The following MYO3B variants were observed in gnomAD, a reference collection of about 807,000 sequenced individuals.
MYO3B encodes the protein myosin-IIIb.
In MYO3B, 156 loss-of-function variants were observed where a neutral mutation model predicts 174.6. That is an observed-to-expected ratio of 0.89 (90% CI 0.78 to 1.02). The LOEUF is 1.02. Among genes scored for constraint, MYO3B ranks in the 50% least tolerant of loss-of-function variants. MYO3B has a pLI of 0.00. For missense variants in MYO3B, 1,632 were observed against 1,639.4 expected (o/e 1.00, Z 0.08); for synonymous variants, 563 against 569.1 (o/e 0.99, Z 0.15).
chr2:170,215,952 A>G (rs2105369316), intron 5 of MYO3B, among the ~76,000 whole-genome samples: 1 of 152,346 alleles, frequency 6.6e-6, no homozygotes, highest in Non-Finnish European at 1.5e-5. Flanking sequence ...TAATCTTTCC[A>G]TTAGAAGGTT....
chr2:170,392,544 ATG>A (rs1349746445), intron 16 of MYO3B, 49 bp downstream of exon 16: 1 of 1,197,836 alleles, frequency 8.3e-7, no homozygotes. Flanking sequence ...TCTTATATGA[ATG>A]TGAGTAAAGA....
At chr2:170,427,359 T>C (rs1362058903) in intron 22 of MYO3B, among the ~76,000 whole-genome samples, 1 of 152,224 alleles carries the variant, frequency 6.6e-6, no homozygotes, top group Non-Finnish European at 1.5e-5. Context: ...GTTTGGATAA[T>C]ACAGCATTAC....
intron 5 of MYO3B, among the ~76,000 whole-genome samples, chr2:170,215,946 C>T (rs2092823568): frequency 6.6e-6 from 1 of 152,184 alleles, no homozygotes; most frequent in Admixed American, 6.5e-5. Context: ...TGTTCCTAAT[C>T]TTTCCATTAG....
At chr2:170,276,634 G>T (rs947912124) in intron 7 of MYO3B, among the ~76,000 whole-genome samples, 6 of 152,134 alleles carry the variant, frequency 3.9e-5, no homozygotes, top group Non-Finnish European at 8.8e-5. Context: ...CTAAAGTGAT[G>T]ACCATCAAAA....
chr2:170,645,386 C>T (rs372232111), intron 32 of MYO3B, among the ~76,000 whole-genome samples: 6 of 150,162 alleles, frequency 4.0e-5, no homozygotes, highest in Non-Finnish European at 4.4e-5. Context: ...GGAGGAGAAT[C>T]GCTTGAACCC....
chr2:170,335,659 CCTT>C (rs1431913901), intron 8 of MYO3B, among the ~76,000 whole-genome samples: 2 of 152,182 alleles, frequency 1.3e-5, no homozygotes, highest in Non-Finnish European at 2.9e-5. Context: ...TATAATAAGT[CCTT>C]CTTATCATAT....
chr2:170,303,341 G>GA (rs1276582350), intron 7 of MYO3B, among the ~76,000 whole-genome samples: 1 of 152,130 alleles, frequency 6.6e-6, no homozygotes, highest in African/African-American at 2.4e-5. Context: ...GTATGAAAGT[G>GA]AATCTCTGCC....
intron 22 of MYO3B, among the ~76,000 whole-genome samples, chr2:170,416,413 A>G (rs1264780397): frequency 6.6e-6 from 1 of 150,850 alleles, no homozygotes; most frequent in Non-Finnish European, 1.5e-5. Context: ...AATCCCAGCT[A>G]CTTGGGAGGC....
chr2:170,419,333 A>G (rs2094600769), intron 22 of MYO3B, among the ~76,000 whole-genome samples: 2 of 152,198 alleles, frequency 1.3e-5, no homozygotes, highest in South Asian at 4.1e-4. Context: ...TGCTTCTCAC[A>G]GTTCTGGAGG....
chr2:170,188,611 T>C (rs1218625284), intron 1 of MYO3B, among the ~76,000 whole-genome samples: 4 of 152,180 alleles, frequency 2.6e-5, no homozygotes, highest in Admixed American at 2.6e-4. Context: ...TTGCTTTTTA[T>C]TTGTTGTGTA....
intron 32 of MYO3B, among the ~76,000 whole-genome samples, chr2:170,569,882 T>C (rs1056342656): frequency 7.2e-6 from 1 of 139,352 alleles, no homozygotes; most frequent in African/African-American, 2.7e-5. Flanking sequence ...AAAAAAAAAG[T>C]AAGAAAACTG....
chr2:170,191,614 T>C (rs1361607202), intron 1 of MYO3B, among the ~76,000 whole-genome samples: 2 of 152,154 alleles, frequency 1.3e-5, no homozygotes. Context: ...AGGGCAGTAC[T>C]GAGTTCCAAT....
chr2:170,255,063 C>T (rs986158444), intron 7 of MYO3B, among the ~76,000 whole-genome samples: 2 of 152,236 alleles, frequency 1.3e-5, no homozygotes, highest in Non-Finnish European at 2.9e-5. Context: ...CATGGCACTA[C>T]TGCTCTGCCT....
chr2:170,183,961 T>C (rs1308244372), intron 1 of MYO3B, among the ~76,000 whole-genome samples: 5 of 152,178 alleles, frequency 3.3e-5, no homozygotes, highest in Non-Finnish European at 5.9e-5. Context: ...GATATATTAA[T>C]GGGAAAATCA....
At chr2:170,374,928 T>C (rs1182309310) in intron 9 of MYO3B, among the ~76,000 whole-genome samples, 1 of 152,166 alleles carries the variant, frequency 6.6e-6, no homozygotes, top group Non-Finnish European at 1.5e-5. Flanking sequence ...ATTTAAGTTT[T>C]TCCAGTAAAT....
At chr2:170,593,998 T>C (rs1693984676) in intron 32 of MYO3B, among the ~76,000 whole-genome samples, 1 of 152,184 alleles carries the variant, frequency 6.6e-6, no homozygotes, top group Non-Finnish European at 1.5e-5. Flanking sequence ...TCCACTTTGA[T>C]CATGTTACCT....
chr2:170,342,196 T>A (rs2093981193), intron 8 of MYO3B: 1 of 152,246 alleles, frequency 6.6e-6, no homozygotes, highest in African/African-American at 2.4e-5. Flanking sequence ...AGATTTTATG[T>A]TAGTGCTTGT....
At chr2:170,307,892 T>C (rs2093711701) in intron 7 of MYO3B, among the ~76,000 whole-genome samples, 3 of 152,314 alleles carry the variant, frequency 2.0e-5, no homozygotes, top group African/African-American at 7.2e-5. Context: ...GGGTGAACTG[T>C]CATGGCTTTG....
chr2:170,264,744 G>T (rs1213422216), intron 7 of MYO3B, among the ~76,000 whole-genome samples: 1 of 152,164 alleles, frequency 6.6e-6, no homozygotes, highest in Non-Finnish European at 1.5e-5. Context: ...TGCTCTTAAA[G>T]GATAAATACA....
Sources: allele counts gnomAD v4.1 joint callset (sites outside exome capture counted in the v4.1 genomes callset), GRCh38; gene constraint gnomAD v4.1.1; transcripts MANE v1.5; gene names NCBI Gene and HGNC (gene_info 2026-07-23, HGNC 2026-07-21).